Variants in DOCK4 observed in about 807,000 individuals in gnomAD.
The protein encoded by DOCK4 is dedicator of cytokinesis 4, also known as dedicator of cytokinesis protein 4.
Under a neutral mutation model 268.1 loss-of-function variants are expected in DOCK4, and 97 were observed. The ratio of observed to expected loss-of-function variants is 0.36; its 90% CI spans 0.31 to 0.43. DOCK4 has a LOEUF of 0.43. Ranked by LOEUF, DOCK4 falls within the 20% of genes least tolerant of loss-of-function variation. The pLI is 1.00. For synonymous variants in DOCK4, 954 were observed against 887.2 expected (o/e 1.08, Z -1.34); for missense variants, 2,145 against 2,455.7 (o/e 0.87, Z 2.67).
At chr7:111,747,535 T>TC (rs1465865453) in intron 42 of DOCK4, 92 bp from the exon 43 acceptor site, 1 of 1,290,126 alleles carries the variant, frequency 7.8e-7, no homozygotes, top group Non-Finnish European at 1.1e-6. Flanking sequence ...TTATCTGTGC[T>TC]CCCCCTTGGC....
intron 8 of DOCK4, among the ~76,000 whole-genome samples, chr7:111,957,725 C>T (rs1290843410): frequency 6.6e-6 from 1 of 151,982 alleles, no homozygotes; most frequent in Non-Finnish European, 1.5e-5. Context: ...GTGTATGGCC[C>T]TGAGAAGGAC....
intron 1 of DOCK4, among the ~76,000 whole-genome samples, chr7:112,076,664 T>A (rs1018523869): frequency 2.6e-5 from 4 of 152,142 alleles, no homozygotes; most frequent in African/African-American, 9.6e-5. Flanking sequence ...TGGTTACAAA[T>A]GAGTCCTAAA....
In DOCK4 at chr7:111,936,363, C is replaced by T. The variant is rs554623207; in HGVS notation, c.978-735G>A. ...CATTAGGTCATGTTATCTTTGTTTA[C>T]GTGGTGTAGTTCACCTGGGAGACTG... On this transcript the variant is annotated intron_variant, in intron 11 of 52. Transcript: ENST00000428084. Among the ~76,000 whole-genome samples, 6 of 152,264 alleles carry T rather than the reference C, an allele frequency of 3.9e-5. No individual in the cohort carries two copies. The South Asian group carries it at 1.0e-3, about 26-fold the overall frequency.
intron 17 of DOCK4, among the ~76,000 whole-genome samples, chr7:111,876,281 T>G (rs956262887): frequency 1.3e-5 from 2 of 152,166 alleles, no homozygotes; most frequent in African/African-American, 4.8e-5. Flanking sequence ...TTTTCTTTTT[T>G]TCTGAGACTA....
intron 1 of DOCK4, among the ~76,000 whole-genome samples, chr7:112,031,837 T>C (rs974548817): frequency 4.6e-5 from 7 of 152,052 alleles, no homozygotes; most frequent in African/African-American, 1.7e-4. Flanking sequence ...GGTGAACATG[T>C]CAAAAAAGTG....
At chr7:112,140,529 A>C (rs1215502952) in intron 1 of DOCK4, among the ~76,000 whole-genome samples, 1 of 152,032 alleles carries the variant, frequency 6.6e-6, no homozygotes, top group African/African-American at 2.4e-5. Flanking sequence ...TCAGTATTTT[A>C]AGTTGTAGTG....
At chr7:112,196,133 C>T (rs1218867370) in intron 1 of DOCK4, among the ~76,000 whole-genome samples, 2 of 152,122 alleles carry the variant, frequency 1.3e-5, no homozygotes, top group Non-Finnish European at 2.9e-5. Context: ...ATTAAGGCAA[C>T]CTGGATCTCG....
intron 8 of DOCK4, among the ~76,000 whole-genome samples, chr7:111,955,295 G>T (rs551058070): frequency 1.3e-5 from 2 of 152,330 alleles, no homozygotes; most frequent in South Asian, 4.1e-4. Context: ...AATGGAAAGA[G>T]GAAGATCTCT....
intron 26 of DOCK4, among the ~76,000 whole-genome samples, chr7:111,825,417 G>A (rs1586100963): frequency 7.9e-6 from 1 of 125,850 alleles, no homozygotes; most frequent in African/African-American, 3.0e-5. Context: ...GTATTTCCTT[G>A]ACTGTCCTCT....
In DOCK4 at chr7:111,872,084, T is replaced by C. The variant is rs1464787266; in HGVS notation, c.1933A>G (p.Ile645Val). ...GSKVFDSLVH[I>V]INLLQDSKFH... ...TTGCTATCTTGCAGCAAATTTATTA[T>C]GTGAACCTAAAAAAAGAAAATTGAG... The change falls in exon 20 of 53, where the codon ATA (isoleucine) becomes GTA (valine). Residue 645 changes from isoleucine (I) to valine (V), a missense_variant. Physicochemically the swap from Ile to Val is conservative, Grantham distance 29. This residue lies in a region of DOCK4 where 1,598 missense variants were observed against 1,986.7 expected (regional missense o/e 0.80). Coordinates refer to ENST00000428084, the MANE Select transcript of DOCK4 (RefSeq NM_001363540.2). The C allele has an allele frequency of 6.5e-6, 10 of 1,536,140 alleles. No homozygotes were observed. The highest frequency in any genetic ancestry group is 3.7e-5 in the South Asian group (3 of 80,032).
chr7:111,772,158 G>T (rs1032192452), intron 36 of DOCK4, among the ~76,000 whole-genome samples: 10 of 152,182 alleles, frequency 6.6e-5, no homozygotes, highest in Non-Finnish European at 1.0e-4. Context: ...GATGAGAAAA[G>T]TTCTGCACCT....
At chr7:112,069,743 G>A (rs1175221120) in intron 1 of DOCK4, among the ~76,000 whole-genome samples, 2 of 152,124 alleles carry the variant, frequency 1.3e-5, no homozygotes, top group Non-Finnish European at 2.9e-5. Flanking sequence ...CTCAGCGGTA[G>A]AAAATAGAAA....
chr7:112,059,093 T>C (rs1806120481), intron 1 of DOCK4, among the ~76,000 whole-genome samples: 1 of 151,612 alleles, frequency 6.6e-6, no homozygotes, highest in Non-Finnish European at 1.5e-5. Flanking sequence ...TTTAAGCACA[T>C]GTAATAATTT....
At position 112,150,713 on chromosome 7, in the gene DOCK4, C is replaced by T. The variant is rs186806832; in HGVS notation, c.37+55389G>A. On this transcript the variant is annotated intron_variant, in intron 1 of 52. Transcript: ENST00000428084. ...AAGCCCTCCACTCCAGCAGTCCTCA[C>T]AGCTAAGCACCAAGGTGACTTAATA... Among the ~76,000 whole-genome samples the T allele has an allele frequency of 2.0e-5, 3 of 152,300 alleles. No homozygotes were observed. In the East Asian group the frequency reaches 5.8e-4, roughly 29 times the overall value.
chr7:112,072,100 C>G (rs1807641087), intron 1 of DOCK4, among the ~76,000 whole-genome samples: 1 of 152,152 alleles, frequency 6.6e-6, no homozygotes, highest in Non-Finnish European at 1.5e-5. Flanking sequence ...CTTCTCTTTT[C>G]TTTCTCTGAG....
intron 8 of DOCK4, among the ~76,000 whole-genome samples, chr7:111,954,974 G>A (rs1042846390): frequency 5.9e-5 from 9 of 152,130 alleles, no homozygotes; most frequent in Admixed American, 5.2e-4. Flanking sequence ...CTTCCTGTTT[G>A]TTTAAAGCCC....
At chr7:111,947,234 A>G (rs1376168909) in intron 8 of DOCK4, among the ~76,000 whole-genome samples, 1 of 152,216 alleles carries the variant, frequency 6.6e-6, no homozygotes, top group African/African-American at 2.4e-5. Flanking sequence ...ATTCAAATAC[A>G]TATAAGAGGA....
At chr7:112,191,198 C>T (rs1320713389) in intron 1 of DOCK4, among the ~76,000 whole-genome samples, 3 of 152,214 alleles carry the variant, frequency 2.0e-5, no homozygotes, top group African/African-American at 7.2e-5. Flanking sequence ...TCAAGCAACC[C>T]TCCTGCCTCC....
chr7:112,103,097 C>T (rs998801946), intron 1 of DOCK4, among the ~76,000 whole-genome samples: 3 of 152,196 alleles, frequency 2.0e-5, no homozygotes, highest in African/African-American at 4.8e-5. Context: ...CCTGATACTA[C>T]AGAAATCACT....
Sources: gnomAD v4.1 joint callset for allele counts (sites outside exome capture counted in the v4.1 genomes callset) on GRCh38, gnomAD v4.1.1 for gene constraint, gnomAD v4.1.1 regional missense constraint, MANE v1.5 for transcripts, NCBI Gene and HGNC (gene_info 2026-07-23, HGNC 2026-07-21) for gene names.